Variants in PPARGC1A observed in about 807,000 individuals in gnomAD.
PPARGC1A encodes the protein PPARG coactivator 1 alpha.
PPARGC1A carries 25 observed loss-of-function variants against 88.7 expected under a neutral mutation model. The ratio of observed to expected loss-of-function variants is 0.28; its 90% CI spans 0.21 to 0.39. The LOEUF (loss-of-function observed/expected upper bound fraction) is 0.39, where lower values mean the gene tolerates loss of function less well. Ranked by LOEUF, PPARGC1A falls within the 10% of genes least tolerant of loss-of-function variation. PPARGC1A has a pLI of 1.00. For missense variants in PPARGC1A, 880 were observed against 968.7 expected, an observed-to-expected ratio of 0.91 and a Z score of 1.22; for synonymous variants, 363 against 355.6, an observed-to-expected ratio of 1.02 and a Z score of -0.24.
the PPARGC1A span, among the ~76,000 whole-genome samples, chr4:24,120,427 G>C: frequency 1.3e-5 from 2 of 152,148 alleles, no homozygotes; most frequent in African/African-American, 4.8e-5. Context: ...GTACTTATTA[G>C]GTACTGATTC....
Position 23,889,834 on chromosome 4 carries a change from C to T in PPARGC1A, c.54+70G>A. 7 of 1,576,416 alleles carry T rather than the reference C, an allele frequency of 4.4e-6. No homozygotes were observed. The South Asian group carries it at 5.8e-5, about 13-fold the overall frequency. ...CTCTCTTTGCCCAAGCCCATCCCCC[C>T]TTACAGGAATAATAGCATCTGAGGG... is the stretch of plus-strand genomic sequence containing the variant. On this transcript the variant is annotated intron_variant, in intron 1 of 12. Transcript: ENST00000264867.
chr4:24,236,958 T>C, the PPARGC1A span, among the ~76,000 whole-genome samples: 1 of 152,198 alleles, frequency 6.6e-6, no homozygotes, highest in East Asian at 1.9e-4. Context: ...TTGGCCCTTT[T>C]ATAGAGCTAC....
the PPARGC1A span, among the ~76,000 whole-genome samples, chr4:24,456,289 AG>A: frequency 3.3e-5 from 5 of 152,166 alleles, no homozygotes; most frequent in South Asian, 1.0e-3. Flanking sequence ...AAGAAAAGCT[AG>A]GGGTGGAAAG....
the PPARGC1A span, among the ~76,000 whole-genome samples, chr4:24,227,087 T>C: frequency 6.6e-6 from 1 of 152,100 alleles, no homozygotes. Flanking sequence ...CACTTCTTTT[T>C]TTTTTTTCTT....
chr4:23,919,028 TCTC>T, the PPARGC1A span, among the ~76,000 whole-genome samples: 1 of 152,140 alleles, frequency 6.6e-6, no homozygotes, highest in Non-Finnish European at 1.5e-5. Context: ...ATTGAGTGCT[TCTC>T]CTATCCATAC....
the PPARGC1A span, among the ~76,000 whole-genome samples, chr4:24,340,631 A>G: frequency 6.6e-6 from 1 of 152,152 alleles, no homozygotes; most frequent in Non-Finnish European, 1.5e-5. Context: ...CACCCATACA[A>G]TTTTATGGGG....
chr4:24,151,012 T>C, the PPARGC1A span, among the ~76,000 whole-genome samples: 2 of 152,224 alleles, frequency 1.3e-5, no homozygotes, highest in African/African-American at 4.8e-5. Flanking sequence ...TCTGGGATCT[T>C]CTCCATGTTT....
the PPARGC1A span, among the ~76,000 whole-genome samples, chr4:24,384,558 CAAAAAAA>C: frequency 1.3e-4 from 7 of 53,960 alleles, no homozygotes; most frequent in South Asian, 1.6e-3. Flanking sequence ...AAATGGAAAG[CAAAAAAA>C]AAAAAAAAAA....
At chr4:24,413,922 C>T in the PPARGC1A span, among the ~76,000 whole-genome samples, 1 of 152,148 alleles carries the variant, frequency 6.6e-6, no homozygotes, top group Non-Finnish European at 1.5e-5. Flanking sequence ...ACAACAACCC[C>T]TTGAGTCAAG....
Position 23,873,209 on chromosome 4 carries a change from ATAAAAAAT to A in PPARGC1A, c.234+11535_234+11542del, listed in dbSNP as rs1240772565. 3.9e-3 allele frequency among the ~76,000 whole-genome samples: 553 copies of A among 142,834 alleles called. 62 individuals are homozygous for A. The highest frequency in any genetic ancestry group is 8.8e-3 in the East Asian group (41 of 4,674). 93.7% of individuals were successfully genotyped at this position (142,834 alleles called of 152,430 possible). A position where few individuals can be genotyped will look rare whatever the true frequency, so the allele number is the denominator to read the frequency against. Reference sequence around the variant, plus strand: ...CGAGACTCCGTCTCAAAAATAAAAAATAAAAAATAAAAAATAAAGAAAAAAATGTGACC... The same window carrying A: ...CGAGACTCCGTCTCAAAAATAAAAAAAAAAAATAAAGAAAAAAATGTGACC... On this transcript the variant is annotated intron_variant, in intron 2 of 12. Transcript: ENST00000264867.
chr4:23,929,235 A>C, the PPARGC1A span, among the ~76,000 whole-genome samples: 5 of 152,332 alleles, frequency 3.3e-5, no homozygotes, highest in East Asian at 9.7e-4. Context: ...TACATAGAAC[A>C]CCAGTCTATA....
At chr4:24,043,418 C>T in the PPARGC1A span, among the ~76,000 whole-genome samples, 5 of 152,240 alleles carry the variant, frequency 3.3e-5, no homozygotes, top group East Asian at 9.7e-4. Context: ...TAGTCTGGCA[C>T]CGGCTTTACT....
chr4:24,440,717 G>A, the PPARGC1A span, among the ~76,000 whole-genome samples: 1 of 151,946 alleles, frequency 6.6e-6, no homozygotes, highest in Admixed American at 6.6e-5. Flanking sequence ...CAGGAGGATA[G>A]TTTGAGCTGA....
chr4:24,136,368 TAG>T, the PPARGC1A span, among the ~76,000 whole-genome samples: 1 of 152,214 alleles, frequency 6.6e-6, no homozygotes. Flanking sequence ...TGGAAAGACG[TAG>T]AGTTACAGTG....
chr4:24,448,772 C>A, the PPARGC1A span, among the ~76,000 whole-genome samples: 241 of 152,226 alleles, frequency 1.6e-3, 1 homozygote, highest in African/African-American at 5.5e-3. Context: ...CTGCATGTCT[C>A]ACACACACCC....
intron 7 of PPARGC1A, among the ~76,000 whole-genome samples, chr4:23,821,620 A>C (rs1178178568): frequency 6.6e-6 from 1 of 152,122 alleles, no homozygotes; most frequent in Non-Finnish European, 1.5e-5. Flanking sequence ...GACCACTGCA[A>C]ATGAAGTTAA....
At chr4:23,843,639 G>A (rs1483420212) in intron 2 of PPARGC1A, among the ~76,000 whole-genome samples, 2 of 152,030 alleles carry the variant, frequency 1.3e-5, no homozygotes, top group Admixed American at 6.6e-5. Context: ...GAAGAACACT[G>A]TACAATAAGC....
the PPARGC1A span, among the ~76,000 whole-genome samples, chr4:23,920,632 C>G: frequency 6.6e-6 from 1 of 152,202 alleles, no homozygotes; most frequent in Non-Finnish European, 1.5e-5. Flanking sequence ...CTAAAGTTGA[C>G]TATGAGAAAC....
the PPARGC1A span, among the ~76,000 whole-genome samples, chr4:24,453,431 G>T: frequency 6.6e-6 from 1 of 152,332 alleles, no homozygotes; most frequent in Non-Finnish European, 1.5e-5. Context: ...GAAGCAAAAG[G>T]AGAAGGAAAG....
Sources: allele counts gnomAD v4.1 joint callset (sites outside exome capture counted in the v4.1 genomes callset), GRCh38; gene constraint gnomAD v4.1.1; transcripts MANE v1.5; gene names NCBI Gene and HGNC (gene_info 2026-07-23, HGNC 2026-07-21).